The following SEZ6L variants were observed in gnomAD, a reference collection of about 807,000 sequenced individuals.
SEZ6L encodes seizure related 6 homolog like.
A neutral mutation model predicts 106.2 loss-of-function variants in SEZ6L; 37 were observed. That is an observed-to-expected ratio of 0.35 (90% CI 0.27 to 0.46). SEZ6L has a LOEUF of 0.46. Ranked by LOEUF, SEZ6L falls within the 20% of genes least tolerant of loss-of-function variation. SEZ6L has a pLI of 1.00. For synonymous variants in SEZ6L, 541 were observed against 570.4 expected, an observed-to-expected ratio of 0.95 and a Z score of 0.73; for missense variants, 1,172 against 1,332.8, an observed-to-expected ratio of 0.88 and a Z score of 1.88.
At chr22:26,364,740 C>G (rs930867144) in intron 12 of SEZ6L, 2 of 152,222 alleles carry the variant, frequency 1.3e-5, no homozygotes, top group African/African-American at 4.8e-5. Context: ...ATAACTAATT[C>G]AGTACAGTAC....
chr22:26,307,355 C>T (rs571243118), intron 6 of SEZ6L, among the ~76,000 whole-genome samples: 1 of 152,196 alleles, frequency 6.6e-6, no homozygotes, highest in Non-Finnish European at 1.5e-5. Context: ...GTGTTTACTG[C>T]ACTTCCAGAA....
At chr22:26,222,197 G>T (rs2078497774) in intron 1 of SEZ6L, among the ~76,000 whole-genome samples, 1 of 152,182 alleles carries the variant, frequency 6.6e-6, no homozygotes, top group African/African-American at 2.4e-5. Flanking sequence ...CTCCTTAGAT[G>T]ATTCTGGTGC....
intron 5 of SEZ6L, among the ~76,000 whole-genome samples, chr22:26,302,752 C>T (rs2331201): frequency 6.6e-6 from 1 of 152,166 alleles, no homozygotes; most frequent in African/African-American, 2.4e-5. Context: ...AATTAAGCTT[C>T]CATTTGTGCT....
chr22:26,356,724 C>T (rs577780578), intron 12 of SEZ6L, among the ~76,000 whole-genome samples: 3 of 151,624 alleles, frequency 2.0e-5, no homozygotes, highest in East Asian at 1.9e-4. Context: ...TGTGTATACC[C>T]GTTGGGCTGT....
intron 5 of SEZ6L, among the ~76,000 whole-genome samples, chr22:26,301,732 G>T (rs965313037): frequency 3.3e-5 from 5 of 151,764 alleles, no homozygotes; most frequent in African/African-American, 1.2e-4. Context: ...GGTGGAAAAT[G>T]GGGGGGAGAA....
intron 10 of SEZ6L, among the ~76,000 whole-genome samples, chr22:26,344,789 A>G (rs1201460756): frequency 4.6e-5 from 7 of 152,250 alleles, no homozygotes; most frequent in Non-Finnish European, 1.0e-4. Context: ...CATGTTATTT[A>G]ACTTTCACAT....
chr22:26,329,996 G>A (rs1322894996), intron 9 of SEZ6L, among the ~76,000 whole-genome samples: 1 of 152,214 alleles, frequency 6.6e-6, no homozygotes, highest in African/African-American at 2.4e-5. Flanking sequence ...GATCTTGCCT[G>A]AAGGGCAAGA....
At chr22:26,298,841 C>T (rs1227834236) in intron 4 of SEZ6L, 143 bp from the exon 5 acceptor site, 2 of 683,408 alleles carry the variant, frequency 2.9e-6, no homozygotes, top group African/African-American at 1.9e-5. Flanking sequence ...AAGAGAGTCA[C>T]AAAAATACCA....
chr22:26,228,771 G>A (rs2078710074), intron 1 of SEZ6L, among the ~76,000 whole-genome samples: 1 of 152,170 alleles, frequency 6.6e-6, no homozygotes, highest in Non-Finnish European at 1.5e-5. Flanking sequence ...GAGGCTCAGA[G>A]AGGAAAAGAA....
chr22:26,322,609 A>G (rs1236978286), intron 9 of SEZ6L, among the ~76,000 whole-genome samples: 1 of 152,176 alleles, frequency 6.6e-6, no homozygotes, highest in Non-Finnish European at 1.5e-5. Flanking sequence ...AATGGGAGAA[A>G]AGTGTCGTGA....
In SEZ6L at chr22:26,213,543, C is replaced by T. The variant is rs377497276; in HGVS notation, c.94+43780C>T. Among the ~76,000 whole-genome samples the T allele has an allele frequency of 1.9e-4, 29 of 152,310 alleles. No homozygotes were observed. The East Asian group carries it at 3.1e-3, about 16-fold the overall frequency. On this transcript the variant is annotated intron_variant, in intron 1 of 16. Transcript: ENST00000248933. ...GCAGTTCATTCACAGATCACTAACC[C>T]GGGGCTATCCCTGCAAGTTAACAAC...
intron 1 of SEZ6L, among the ~76,000 whole-genome samples, chr22:26,216,356 A>G (rs941540393): frequency 6.6e-6 from 1 of 152,172 alleles, no homozygotes; most frequent in East Asian, 1.9e-4. Context: ...TTATTGTCCT[A>G]AGAAATGATC....
At chr22:26,298,908 G>A in intron 4 of SEZ6L, 76 bp from the exon 5 acceptor site, 1 of 1,405,898 alleles carries the variant, frequency 7.1e-7, no homozygotes, top group Non-Finnish European at 9.5e-7. Context: ...GCACAAACTG[G>A]CTCCCAGGAT....
intron 5 of SEZ6L, among the ~76,000 whole-genome samples, chr22:26,303,357 G>T (rs1171531611): frequency 6.6e-6 from 1 of 152,112 alleles, no homozygotes; most frequent in Non-Finnish European, 1.5e-5. Flanking sequence ...AACATTTAAT[G>T]GGTACCTGCT....
chr22:26,326,895 G>A (rs534518138), intron 9 of SEZ6L, among the ~76,000 whole-genome samples: 27 of 152,324 alleles, frequency 1.8e-4, no homozygotes, highest in Admixed American at 3.9e-4. Context: ...GGGGCCTTCC[G>A]GGGAGAAGCT....
At position 26,299,138 on chromosome 22, in the gene SEZ6L, G is replaced by A. The variant is rs149068026; in HGVS notation, c.1317G>A (p.Pro439=). Reference sequence around the variant, plus strand: ...TGACATGCATCAATGCCTCCAAGCCGCACTGGAGCAGCCAGGAGCCCATCT... The same window carrying A: ...TGACATGCATCAATGCCTCCAAGCCACACTGGAGCAGCCAGGAGCCCATCT... ...KMLTCINASK[P]HWSSQEPICS... Residue 439 remains proline (P), a synonymous_variant, in exon 5 of 17, where the codon CCG becomes CCA. Transcript: ENST00000248933. The A allele has an allele frequency of 1.1e-4, 178 of 1,567,416 alleles. No homozygotes were observed. The East Asian group carries it at 1.7e-3, about 15-fold the overall frequency.
At chr22:26,202,612 T>A (rs2145682002) in intron 1 of SEZ6L, among the ~76,000 whole-genome samples, 2 of 152,334 alleles carry the variant, frequency 1.3e-5, no homozygotes, top group Middle Eastern at 3.4e-3. Flanking sequence ...CTGATATTCT[T>A]TTTTCAGTAA....
chr22:26,303,460 T>C (rs1435489844), intron 5 of SEZ6L, among the ~76,000 whole-genome samples: 1 of 152,226 alleles, frequency 6.6e-6, no homozygotes, highest in Non-Finnish European at 1.5e-5. Context: ...AACTACTATA[T>C]GCCATATACC....
chr22:26,300,569 C>T (rs776586501), intron 5 of SEZ6L, among the ~76,000 whole-genome samples: 1 of 152,184 alleles, frequency 6.6e-6, no homozygotes, highest in African/African-American at 2.4e-5. Context: ...GGACATTTGG[C>T]TTGGTTCCAA....
Sources: allele counts gnomAD v4.1 joint callset (sites outside exome capture counted in the v4.1 genomes callset), GRCh38; gene constraint gnomAD v4.1.1; transcripts MANE v1.5; gene names NCBI Gene and HGNC (gene_info 2026-07-23, HGNC 2026-07-21).